Variants in JAM2 observed in about 807,000 individuals in gnomAD.
JAM2 encodes junctional adhesion molecule B.
JAM2 carries 17 observed loss-of-function variants against 42.0 expected under a neutral mutation model. The ratio of observed to expected loss-of-function variants is 0.40; its 90% CI spans 0.28 to 0.61. The LOEUF is 0.61. JAM2 is among the 20% of genes least tolerant of loss of function. The pLI is 0.37. For missense variants in JAM2, 319 were observed against 358.3 expected, an observed-to-expected ratio of 0.89 and a Z score of 0.89; for synonymous variants, 118 against 128.6, an observed-to-expected ratio of 0.92 and a Z score of 0.56.
intron 1 of JAM2, among the ~76,000 whole-genome samples, chr21:25,679,613 C>T (rs1568903386): frequency 6.6e-6 from 1 of 152,242 alleles, no homozygotes; most frequent in Non-Finnish European, 1.5e-5. Context: ...TGCCAGATAT[C>T]ACTAGTGTCA....
At chr21:25,645,865 G>T (rs915860875) in intron 1 of JAM2, among the ~76,000 whole-genome samples, 3 of 152,144 alleles carry the variant, frequency 2.0e-5, no homozygotes, top group Admixed American at 2.0e-4. Context: ...AAGTATTTGT[G>T]TACCTAAACA....
chr21:25,667,111 C>T (rs934843919), intron 1 of JAM2, among the ~76,000 whole-genome samples: 2 of 152,146 alleles, frequency 1.3e-5, no homozygotes, highest in African/African-American at 2.4e-5. Context: ...CAATTTTACC[C>T]GTGGCCAACC....
intron 7 of JAM2, 26 bp from the exon 8 acceptor site, chr21:25,709,408 A>C (rs1051757818): frequency 8.0e-7 from 1 of 1,253,058 alleles, no homozygotes; most frequent in African/African-American, 1.5e-5. Flanking sequence ...CCCTTGCATT[A>C]ATGATATATA....
intron 3 of JAM2, among the ~76,000 whole-genome samples, chr21:25,690,660 T>C (rs981701693): frequency 2.0e-5 from 3 of 152,056 alleles, no homozygotes; most frequent in Non-Finnish European, 4.4e-5. Flanking sequence ...GATAAACTCC[T>C]GAGGGAAAGG....
intron 1 of JAM2, among the ~76,000 whole-genome samples, chr21:25,645,475 G>A (rs531452967): frequency 6.6e-6 from 1 of 152,282 alleles, no homozygotes; most frequent in East Asian, 1.9e-4. Context: ...GCATTGGATG[G>A]AGTATGGTGA....
chr21:25,682,548 G>C (rs2033659340), intron 1 of JAM2, among the ~76,000 whole-genome samples: 1 of 152,342 alleles, frequency 6.6e-6, no homozygotes, highest in Admixed American at 6.5e-5. Flanking sequence ...CAGACAGACA[G>C]CTGCAGGAGC....
rs555807109 is a variant in JAM2 at position 25,717,103 on chromosome 21, A to G, written c.*2431A>G. The G allele has an allele frequency of 2.6e-5, 4 of 152,330 alleles. No individual in the cohort carries two copies. The highest frequency in any genetic ancestry group is 5.9e-5 in the Non-Finnish European group (4 of 68,138). The allele number at this position is 152,330 out of a possible 1,614,324, so 9.4% of individuals were successfully genotyped here. A position where few individuals can be genotyped will look rare whatever the true frequency, so the allele number is the denominator to read the frequency against. Reference sequence around the variant, plus strand: ...ATAACACTCTCTGTGTCAAATATATATTGTACATTACCTTAAACTATTGTA... The same window carrying G: ...ATAACACTCTCTGTGTCAAATATATGTTGTACATTACCTTAAACTATTGTA... On this transcript the variant is annotated 3_prime_UTR_variant, in exon 10 of 10. Transcript: ENST00000480456.
intron 1 of JAM2, among the ~76,000 whole-genome samples, chr21:25,645,811 G>A (rs1302304432): frequency 1.3e-5 from 2 of 152,168 alleles, no homozygotes; most frequent in African/African-American, 2.4e-5. Flanking sequence ...AACCTATACA[G>A]CATGTTACTG....
At chr21:25,675,156 A>G (rs1291713201) in intron 1 of JAM2, among the ~76,000 whole-genome samples, 1 of 152,122 alleles carries the variant, frequency 6.6e-6, no homozygotes, top group Non-Finnish European at 1.5e-5. Flanking sequence ...TGTGACAGGC[A>G]TCTCACATGG....
At chr21:25,698,979 C>A in intron 5 of JAM2, 100 bp downstream of exon 5, 1 of 1,057,302 alleles carries the variant, frequency 9.5e-7, no homozygotes. Flanking sequence ...GATACCATTG[C>A]TTGCTAAGTG....
chr21:25,697,318 A>G (rs2034060639), intron 4 of JAM2, among the ~76,000 whole-genome samples: 1 of 152,182 alleles, frequency 6.6e-6, no homozygotes, highest in African/African-American at 2.4e-5. Flanking sequence ...TACAGTACCT[A>G]GATTAGTGTT....
intron 7 of JAM2, among the ~76,000 whole-genome samples, chr21:25,706,470 T>C (rs1464146532): frequency 6.6e-6 from 1 of 151,952 alleles, no homozygotes; most frequent in African/African-American, 2.4e-5. Flanking sequence ...GTGTGAGCTA[T>C]TGTGCCCGGC....
At chr21:25,681,470 G>A (rs140380413) in intron 1 of JAM2, among the ~76,000 whole-genome samples, 8 of 152,202 alleles carry the variant, frequency 5.3e-5, no homozygotes, top group Non-Finnish European at 7.4e-5. Flanking sequence ...ATCAGATCTC[G>A]TGAGAACTCA....
At chr21:25,662,277 A>G (rs2033109194) in intron 1 of JAM2, among the ~76,000 whole-genome samples, 3 of 151,906 alleles carry the variant, frequency 2.0e-5, no homozygotes, top group Admixed American at 1.3e-4. Context: ...CCTCCCGAGT[A>G]GCTGAGACTA....
At chr21:25,711,775 G>A (rs961099318) in intron 8 of JAM2, among the ~76,000 whole-genome samples, 2 of 152,174 alleles carry the variant, frequency 1.3e-5, no homozygotes, top group East Asian at 1.9e-4. Context: ...ATCATCTTAC[G>A]TAAGTGGGAA....
In JAM2 at chr21:25,712,303, A is replaced by G. The variant is rs757787040; in HGVS notation, c.822-37A>G. On this transcript the variant is annotated intron_variant, in intron 8 of 9. Transcript: ENST00000480456. ...ATATATGTTCCAGATTGGAAGTGAT[A>G]ATGTAGTAAATATTGTCTTTTATAT... is the stretch of plus-strand genomic sequence containing the variant. The G allele has an allele frequency of 1.7e-5, 23 of 1,379,460 alleles. 1 individual carries two copies. In the Middle Eastern group the frequency reaches 2.7e-3, roughly 160 times the overall value. 85.5% of individuals were successfully genotyped at this position (1,379,460 alleles called of 1,614,324 possible). A position where few individuals can be genotyped will look rare whatever the true frequency, so the allele number is the denominator to read the frequency against.
intron 8 of JAM2, chr21:25,711,677 C>T (rs2034386509): frequency 3.8e-6 from 1 of 262,210 alleles, no homozygotes; most frequent in Non-Finnish European, 7.5e-6. Context: ...TGCTACTTCC[C>T]ACCCCTAACC....
chr21:25,663,216 G>A (rs1208891503), intron 1 of JAM2, among the ~76,000 whole-genome samples: 1 of 152,176 alleles, frequency 6.6e-6, no homozygotes, highest in Non-Finnish European at 1.5e-5. Context: ...AGGAAGGCTG[G>A]AAAGATGGGA....
Position 25,714,758 on chromosome 21 carries a change from C to A in JAM2, c.*86C>A. ...AAAACTCTGCTTTGTCCGACATTTG[C>A]AAAGAGGTACACGAGGAAATGGAAT... is the stretch of plus-strand genomic sequence containing the variant. On this transcript the variant is annotated 3_prime_UTR_variant, in exon 10 of 10. Coordinates refer to ENST00000480456, the MANE Select transcript of JAM2 (RefSeq NM_021219.4). 2.4e-6 allele frequency: 2 copies of A among 833,510 alleles called. No individual in the cohort carries two copies. The highest frequency in any genetic ancestry group is 3.6e-6 in the Non-Finnish European group (2 of 550,728). The allele number at this position is 833,510 out of a possible 1,614,324, so 51.6% of individuals were successfully genotyped here. A position where few individuals can be genotyped will look rare whatever the true frequency, so the allele number is the denominator to read the frequency against.
Sources: gnomAD v4.1 joint callset for allele counts (sites outside exome capture counted in the v4.1 genomes callset) on GRCh38, gnomAD v4.1.1 for gene constraint, MANE v1.5 for transcripts, NCBI Gene and HGNC (gene_info 2026-07-23, HGNC 2026-07-21) for gene names.